The following CNTNAP2 variants were observed in gnomAD, a reference collection of about 807,000 sequenced individuals.
CNTNAP2 encodes the protein contactin associated protein 2.
Under a neutral mutation model 155.2 loss-of-function variants are expected in CNTNAP2, and 98 were observed. That is an observed-to-expected ratio of 0.63 (90% CI 0.54 to 0.75). The LOEUF (loss-of-function observed/expected upper bound fraction) is 0.75, where lower values mean the gene tolerates loss of function less well. Among genes scored for constraint, CNTNAP2 ranks in the 30% least tolerant of loss-of-function variants. The pLI is 0.00. For synonymous variants in CNTNAP2, 651 were observed against 631.2 expected (o/e 1.03, Z -0.47); for missense variants, 1,727 against 1,688.1 (o/e 1.02, Z -0.40).
At chr7:147,894,814 C>G (rs1008180862) in intron 13 of CNTNAP2, among the ~76,000 whole-genome samples, 4 of 151,950 alleles carry the variant, frequency 2.6e-5, no homozygotes, top group African/African-American at 7.3e-5. Flanking sequence ...CCGAAGAACA[C>G]ATTTTGAAAA....
chr7:147,814,166 A>ATT (rs1798229959), intron 13 of CNTNAP2, among the ~76,000 whole-genome samples: 1 of 152,192 alleles, frequency 6.6e-6, no homozygotes, highest in Non-Finnish European at 1.5e-5. Context: ...GTGAAATACC[A>ATT]TTCTAGTTCT....
At chr7:146,946,925 A>C (rs1424166559) in intron 3 of CNTNAP2, among the ~76,000 whole-genome samples, 5 of 152,100 alleles carry the variant, frequency 3.3e-5, no homozygotes, top group Non-Finnish European at 7.4e-5. Flanking sequence ...AAATCCCCCC[A>C]AAAAAGCATC....
At chr7:147,873,015 C>T (rs1339801291) in intron 13 of CNTNAP2, among the ~76,000 whole-genome samples, 1 of 152,090 alleles carries the variant, frequency 6.6e-6, no homozygotes, top group Non-Finnish European at 1.5e-5. Context: ...AGTAAAAGTG[C>T]TAACAAAAAT....
chr7:146,435,767 G>A (rs1796234643), intron 1 of CNTNAP2, among the ~76,000 whole-genome samples: 1 of 152,162 alleles, frequency 6.6e-6, no homozygotes, highest in South Asian at 2.1e-4. Context: ...TTGGACATAT[G>A]TTGTAGGAGT....
chr7:146,922,262 G>GA (rs34517769), intron 3 of CNTNAP2, among the ~76,000 whole-genome samples: 17 of 146,856 alleles, frequency 1.2e-4, no homozygotes, highest in Middle Eastern at 3.2e-3. Context: ...CTTAATAAAG[G>GA]AAAAAAAAAA....
intron 1 of CNTNAP2, among the ~76,000 whole-genome samples, chr7:146,498,958 A>G (rs1188076494): frequency 6.6e-6 from 1 of 152,196 alleles, no homozygotes; most frequent in Non-Finnish European, 1.5e-5. Context: ...CACATTTTTA[A>G]AAGTACACAT....
intron 3 of CNTNAP2, among the ~76,000 whole-genome samples, chr7:146,848,270 C>T (rs554800462): frequency 6.6e-6 from 1 of 152,240 alleles, no homozygotes; most frequent in Non-Finnish European, 1.5e-5. Flanking sequence ...TAAGCATCAG[C>T]ATTTGTGTTT....
intron 11 of CNTNAP2, among the ~76,000 whole-genome samples, chr7:147,514,286 G>C (rs1259603243): frequency 6.6e-6 from 1 of 151,286 alleles, no homozygotes; most frequent in Non-Finnish European, 1.5e-5. Flanking sequence ...ATATAGATAT[G>C]GATATTATAA....
chr7:147,250,547 C>G (rs146064391), intron 8 of CNTNAP2, among the ~76,000 whole-genome samples: 57 of 151,886 alleles, frequency 3.8e-4, no homozygotes, highest in South Asian at 1.5e-3. Flanking sequence ...CCCCCACCCC[C>G]CCATCTGACA....
chr7:147,447,307 T>C (rs1162508621), intron 10 of CNTNAP2, among the ~76,000 whole-genome samples: 1 of 152,234 alleles, frequency 6.6e-6, no homozygotes. Context: ...TATGTTTGTA[T>C]ATAGATATGT....
At chr7:148,238,208 A>G (rs1370166638) in intron 20 of CNTNAP2, among the ~76,000 whole-genome samples, 1 of 152,108 alleles carries the variant, frequency 6.6e-6, no homozygotes, top group Non-Finnish European at 1.5e-5. Context: ...AATTAGCTGG[A>G]CATGGGGGTG....
intron 4 of CNTNAP2, chr7:147,081,583 TTGTG>T (rs5888236): frequency 0.18 from 22,690 of 128,030 alleles, 1,963 homozygotes; most frequent in East Asian, 0.3. Context: ...CCCGGCTAAT[TTGTG>T]TGTGTGTGTG....
intron 3 of CNTNAP2, among the ~76,000 whole-genome samples, chr7:146,930,241 C>T (rs1048475397): frequency 2.9e-3 from 449 of 152,238 alleles, no homozygotes; most frequent in Admixed American, 6.1e-3. Flanking sequence ...GCGGATCTCT[C>T]GGCAGAAACT....
At chr7:147,683,671 C>T (rs943736343) in intron 13 of CNTNAP2, among the ~76,000 whole-genome samples, 2 of 149,786 alleles carry the variant, frequency 1.3e-5, no homozygotes, top group African/African-American at 4.9e-5. Context: ...ATACATATGG[C>T]ACATGCATTA....
At chr7:146,414,478 C>T (rs1795909029) in intron 1 of CNTNAP2, among the ~76,000 whole-genome samples, 1 of 152,136 alleles carries the variant, frequency 6.6e-6, no homozygotes, top group Non-Finnish European at 1.5e-5. Context: ...CAGCAGCCGT[C>T]ATCTGGAAGG....
At chr7:148,370,861 A>G (rs935337420) in intron 21 of CNTNAP2, among the ~76,000 whole-genome samples, 10 of 152,138 alleles carry the variant, frequency 6.6e-5, no homozygotes, top group Admixed American at 2.6e-4. Context: ...CCTTTCCAAC[A>G]CCTGAAGGCA....
intron 10 of CNTNAP2, among the ~76,000 whole-genome samples, chr7:147,442,847 C>T (rs1797666195): frequency 1.3e-5 from 2 of 152,104 alleles, no homozygotes; most frequent in Non-Finnish European, 2.9e-5. Flanking sequence ...TGACTGCTGC[C>T]CTATCCTGCT....
chr7:146,678,638 CTT>C (rs1369973616), intron 1 of CNTNAP2, among the ~76,000 whole-genome samples: 2 of 152,106 alleles, frequency 1.3e-5, no homozygotes, highest in Non-Finnish European at 2.9e-5. Context: ...TGCTTATGGA[CTT>C]TTCAAAAGTT....
chr7:147,715,723 T>G (rs1796473939), intron 13 of CNTNAP2, among the ~76,000 whole-genome samples: 2 of 152,138 alleles, frequency 1.3e-5, no homozygotes, highest in South Asian at 4.1e-4. Context: ...CAACTTTTCT[T>G]TTAATCATCT....
Sources: gnomAD v4.1 joint callset for allele counts (sites outside exome capture counted in the v4.1 genomes callset) on GRCh38, gnomAD v4.1.1 for gene constraint, MANE v1.5 for transcripts, NCBI Gene and HGNC (gene_info 2026-07-23, HGNC 2026-07-21) for gene names.